LRP1B: variants seen among roughly 807,000 people sequenced by gnomAD.
The protein encoded by LRP1B is LDL receptor related protein 1B.
A neutral mutation model predicts 556.6 loss-of-function variants in LRP1B; 217 were observed. The observed-to-expected ratio is 0.39, with a 90% CI of 0.35 to 0.44. The LOEUF is 0.44. LRP1B is among the 20% of genes least tolerant of loss of function. The pLI, the probability that LRP1B is intolerant of heterozygous loss-of-function variation, is 1.00. For missense variants in LRP1B, 5,053 were observed against 5,620.8 expected (o/e 0.90, Z 3.23); for synonymous variants, 2,047 against 1,865.8 (o/e 1.10, Z -2.50).
intron 7 of LRP1B, among the ~76,000 whole-genome samples, chr2:141,095,590 T>G (rs1381480352): frequency 6.6e-6 from 1 of 151,964 alleles, no homozygotes; most frequent in Non-Finnish European, 1.5e-5. Flanking sequence ...TGATTATATT[T>G]AGTTCTGTTC....
At chr2:141,600,520 G>C (rs1343132256) in intron 2 of LRP1B, among the ~76,000 whole-genome samples, 1 of 152,072 alleles carries the variant, frequency 6.6e-6, no homozygotes, top group Non-Finnish European at 1.5e-5. Flanking sequence ...GTTGGCATCA[G>C]GGTTTAAAGT....
chr2:141,851,100 G>A (rs1161036142), intron 1 of LRP1B, among the ~76,000 whole-genome samples: 2 of 105,700 alleles, frequency 1.9e-5, no homozygotes, highest in Non-Finnish European at 1.9e-5. Flanking sequence ...GAATTCCCTT[G>A]TTCTAGTTGT....
chr2:140,663,858 C>A (rs1379456339), intron 41 of LRP1B, among the ~76,000 whole-genome samples: 1 of 152,128 alleles, frequency 6.6e-6, no homozygotes, highest in African/African-American at 2.4e-5. Flanking sequence ...TCATTTCTAG[C>A]TTTTGATTTC....
chr2:141,240,885 A>G (rs1683843658), intron 5 of LRP1B, among the ~76,000 whole-genome samples: 1 of 152,106 alleles, frequency 6.6e-6, no homozygotes, highest in Non-Finnish European at 1.5e-5. Context: ...ATTTTCTTAG[A>G]CTAAGGGTAA....
chr2:140,347,329 G>T (rs1057299317), intron 77 of LRP1B, among the ~76,000 whole-genome samples: 1 of 151,396 alleles, frequency 6.6e-6, no homozygotes, highest in Non-Finnish European at 1.5e-5. Flanking sequence ...ATAGCCCAGA[G>T]GGTTAGAAAA....
intron 2 of LRP1B, among the ~76,000 whole-genome samples, chr2:141,744,468 G>C (rs1693838419): frequency 6.6e-6 from 1 of 152,114 alleles, no homozygotes; most frequent in Non-Finnish European, 1.5e-5. Context: ...GCAGTCATTG[G>C]ATAAAATGCT....
chr2:141,030,074 T>C (rs150488437), intron 11 of LRP1B, among the ~76,000 whole-genome samples: 1 of 152,322 alleles, frequency 6.6e-6, no homozygotes, highest in East Asian at 1.9e-4. Flanking sequence ...TTCATTTTGA[T>C]TCCTCTAAAT....
intron 7 of LRP1B, among the ~76,000 whole-genome samples, chr2:141,128,702 C>T (rs117935984): frequency 1.4e-4 from 22 of 152,280 alleles, no homozygotes; most frequent in African/African-American, 5.1e-4. Context: ...CTCACCACAA[C>T]CTCCACCTCC....
At chr2:141,416,863 G>A (rs946451157) in intron 3 of LRP1B, among the ~76,000 whole-genome samples, 6 of 152,088 alleles carry the variant, frequency 3.9e-5, no homozygotes, top group Non-Finnish European at 8.8e-5. Context: ...TGTCTTTCAA[G>A]GATAGGAACA....
intron 77 of LRP1B, among the ~76,000 whole-genome samples, chr2:140,348,872 C>T (rs1348789832): frequency 3.3e-5 from 5 of 152,066 alleles, no homozygotes; most frequent in African/African-American, 1.2e-4. Flanking sequence ...TTCACTAGAA[C>T]AGCGGTCCCC....
chr2:142,130,355 A>C (rs1301478034), intron 1 of LRP1B, among the ~76,000 whole-genome samples: 1 of 152,226 alleles, frequency 6.6e-6, no homozygotes, highest in African/African-American at 2.4e-5. Context: ...TGCAGCGCTT[A>C]GAATTCGCGG....
intron 1 of LRP1B, among the ~76,000 whole-genome samples, chr2:141,839,886 T>G (rs1295067836): frequency 6.6e-6 from 1 of 152,174 alleles, no homozygotes; most frequent in Non-Finnish European, 1.5e-5. Flanking sequence ...AAAATGTATC[T>G]TAATGAAAGG....
chr2:141,141,922 G>T (rs533440487), intron 7 of LRP1B, among the ~76,000 whole-genome samples: 61 of 151,678 alleles, frequency 4.0e-4, no homozygotes, highest in African/African-American at 1.4e-3. Context: ...TTAGATACTT[G>T]TTTCAATGTA....
intron 2 of LRP1B, among the ~76,000 whole-genome samples, chr2:141,614,045 A>G (rs1434226642): frequency 1.5e-5 from 2 of 130,292 alleles, no homozygotes; most frequent in Non-Finnish European, 3.1e-5. Flanking sequence ...TGCACTCCAC[A>G]CTCCAGCCTG....
chr2:141,555,184 TAAAC>T (rs764594277), intron 2 of LRP1B, among the ~76,000 whole-genome samples: 21 of 151,720 alleles, frequency 1.4e-4, no homozygotes, highest in Non-Finnish European at 2.7e-4. Context: ...TGTAAACAAA[TAAAC>T]AAACACCACT....
At chr2:140,367,607 T>A (rs1682819842) in intron 71 of LRP1B, among the ~76,000 whole-genome samples, 1 of 151,804 alleles carries the variant, frequency 6.6e-6, no homozygotes, top group Non-Finnish European at 1.5e-5. Context: ...ATTTAACAAC[T>A]GTCTCACTCT....
intron 1 of LRP1B, among the ~76,000 whole-genome samples, chr2:142,114,919 A>G (rs1271417448): frequency 6.6e-6 from 1 of 152,142 alleles, no homozygotes; most frequent in East Asian, 1.9e-4. Flanking sequence ...AAAAAGAAAT[A>G]ATAAATGTTT....
intron 41 of LRP1B, among the ~76,000 whole-genome samples, chr2:140,649,329 C>T (rs2105316572): frequency 6.6e-6 from 1 of 152,296 alleles, no homozygotes; most frequent in East Asian, 1.9e-4. Context: ...GAAATACAGA[C>T]TTCTCTCTGT....
In LRP1B at chr2:140,950,319, A is replaced by C; in HGVS notation, c.3052T>G (p.Cys1018Gly). Residue 1018 changes from cysteine (C) to glycine (G), a missense_variant, in exon 20 of 91, where the codon TGC becomes GGC. By Grantham distance (159) the Cys-to-Gly change is radical. Around this residue, in one of 5 missense-constraint regions of LRP1B, gnomAD observed 3,619 missense variants for 3,931.9 expected, o/e 0.92. Transcript: ENST00000389484. The stretch of plus-strand genomic sequence containing the variant: ...TCACAGGCCCAGTGGCCTGGGATGC[A>C]TCTGCCACTGGAACATCTGAACTGA... ...DNQFRCSSGR[C>G]IPGHWACDGD... is the part of the protein sequence containing the mutation. The C allele has an allele frequency of 6.2e-7, 1 of 1,612,902 alleles. No homozygotes were observed. The highest frequency in any genetic ancestry group is 8.5e-7 in the Non-Finnish European group (1 of 1,179,236).
Sources: gnomAD v4.1 joint callset for allele counts (sites outside exome capture counted in the v4.1 genomes callset) on GRCh38, gnomAD v4.1.1 for gene constraint, gnomAD v4.1.1 regional missense constraint, MANE v1.5 for transcripts, NCBI Gene and HGNC (gene_info 2026-07-23, HGNC 2026-07-21) for gene names.